PRKG1: variants seen among roughly 807,000 people sequenced by gnomAD.
PRKG1 encodes the protein cGMP-dependent protein kinase 1.
In PRKG1, 35 loss-of-function variants were observed where a neutral mutation model predicts 88.1. The observed-to-expected ratio is 0.40, with a 90% CI of 0.30 to 0.53. PRKG1 has a LOEUF of 0.53. Among genes scored for constraint, PRKG1 ranks in the 20% least tolerant of loss-of-function variants. PRKG1 has a pLI of 0.59. For synonymous variants in PRKG1, 303 were observed against 292.5 expected (o/e 1.04, Z -0.37); for missense variants, 540 against 839.8 (o/e 0.64, Z 4.41).
At chr10:51,491,901 T>G (rs1840716607) in intron 3 of PRKG1, among the ~76,000 whole-genome samples, 1 of 152,100 alleles carries the variant, frequency 6.6e-6, no homozygotes, top group South Asian at 2.1e-4. Flanking sequence ...TCATCCTATT[T>G]TGCTTGTTTT....
In PRKG1 at chr10:51,492,644, A is replaced by C. The variant is rs1186479408; in HGVS notation, c.592+24808A>C. On this transcript the variant is annotated intron_variant, in intron 3 of 17. Coordinates refer to ENST00000373980, the MANE Select transcript of PRKG1 (RefSeq NM_006258.4). Reference sequence around the variant, plus strand: ...TTGTTTTGACTGGCTAAATTTAAACACAGAAATATACATACAGTAAAGCAA... The same window carrying C: ...TTGTTTTGACTGGCTAAATTTAAACCCAGAAATATACATACAGTAAAGCAA... 2.6e-5 allele frequency among the ~76,000 whole-genome samples: 4 copies of C among 152,276 alleles called. No individual in the cohort carries two copies. The East Asian group carries it at 7.7e-4, about 29-fold the overall frequency.
Position 51,672,832 on chromosome 10 carries a change from A to G in PRKG1, c.593-131753A>G, listed in dbSNP as rs560569917. Among the ~76,000 whole-genome samples the G allele has an allele frequency of 5.3e-5, 8 of 152,338 alleles. No individual in the cohort carries two copies. The South Asian group carries it at 1.7e-3, about 32-fold the overall frequency. ...TAAGAGGGCTTTCACATTTAATTTT[A>G]TACCCTGAGTCAAGACGAAGCCAGC... is the stretch of plus-strand genomic sequence containing the variant. On this transcript the variant is annotated intron_variant, in intron 3 of 17. Coordinates refer to ENST00000373980, the MANE Select transcript of PRKG1 (RefSeq NM_006258.4).
chr10:51,694,697 TTGG>T (rs924763359), intron 3 of PRKG1, among the ~76,000 whole-genome samples: 59 of 152,268 alleles, frequency 3.9e-4, no homozygotes, highest in African/African-American at 1.4e-3. Context: ...GATGAATGAA[TTGG>T]TGATTTTATT....
intron 2 of PRKG1, among the ~76,000 whole-genome samples, chr10:51,252,067 G>T (rs1839440342): frequency 1.3e-5 from 2 of 151,780 alleles, no homozygotes; most frequent in Non-Finnish European, 3.0e-5. Flanking sequence ...GTGTGTGTGT[G>T]TGCACATGCA....
intron 7 of PRKG1, among the ~76,000 whole-genome samples, chr10:52,110,674 C>T (rs1419679428): frequency 1.3e-5 from 2 of 152,020 alleles, no homozygotes; most frequent in Non-Finnish European, 2.9e-5. Flanking sequence ...GCAAACAGTG[C>T]AAAGAGAGAA....
intron 7 of PRKG1, among the ~76,000 whole-genome samples, chr10:52,114,706 A>G (rs1261619997): frequency 1.3e-5 from 2 of 152,104 alleles, no homozygotes; most frequent in Non-Finnish European, 2.9e-5. Context: ...TTGCTATCAT[A>G]TATGCTTCCT....
chr10:52,062,744 A>G (rs1473439562), intron 7 of PRKG1, 113 bp downstream of exon 7: 1 of 770,504 alleles, frequency 1.3e-6, no homozygotes, highest in Non-Finnish European at 2.3e-6. Flanking sequence ...TCTCAATATC[A>G]AATATGGACC....
chr10:51,701,773 A>G (rs886171945), intron 3 of PRKG1, among the ~76,000 whole-genome samples: 1 of 151,088 alleles, frequency 6.6e-6, no homozygotes, highest in Non-Finnish European at 1.5e-5. Context: ...GTATTATAAT[A>G]TGTTGCAAAA....
intron 4 of PRKG1, among the ~76,000 whole-genome samples, chr10:51,829,578 A>G (rs991712547): frequency 2.6e-5 from 4 of 152,218 alleles, no homozygotes; most frequent in Non-Finnish European, 4.4e-5. Context: ...TGCTGTGGTC[A>G]TGTAAGAGAA....
intron 5 of PRKG1, among the ~76,000 whole-genome samples, chr10:51,927,604 A>G (rs1386803981): frequency 1.3e-5 from 2 of 152,128 alleles, no homozygotes; most frequent in African/African-American, 4.8e-5. Context: ...ATGCATTCAC[A>G]TGCTATAGAG....
chr10:51,516,584 G>A (rs949261544), intron 3 of PRKG1, among the ~76,000 whole-genome samples: 11 of 152,206 alleles, frequency 7.2e-5, no homozygotes, highest in Admixed American at 2.6e-4. Flanking sequence ...GCCTCCTGTC[G>A]CTATCACAGT....
chr10:51,946,789 G>A (rs546699036), intron 5 of PRKG1, among the ~76,000 whole-genome samples: 6 of 152,128 alleles, frequency 3.9e-5, no homozygotes, highest in East Asian at 1.9e-4. Flanking sequence ...TTCATGAACC[G>A]CGAATGCTGC....
At chr10:51,160,756 G>A (rs888759426) in intron 2 of PRKG1, among the ~76,000 whole-genome samples, 1 of 152,140 alleles carries the variant, frequency 6.6e-6, no homozygotes, top group Non-Finnish European at 1.5e-5. Flanking sequence ...TGGGGGGACA[G>A]CTTTACATAC....
intron 9 of PRKG1, among the ~76,000 whole-genome samples, chr10:52,196,531 C>T (rs1272746450): frequency 3.9e-5 from 6 of 152,078 alleles, no homozygotes; most frequent in South Asian, 2.1e-4. Context: ...CAGCTTGCAC[C>T]GTAGTCGTCT....
intron 7 of PRKG1, among the ~76,000 whole-genome samples, chr10:52,118,923 A>C (rs1847751158): frequency 6.6e-6 from 1 of 152,128 alleles, no homozygotes. Context: ...TTTCCTTAAA[A>C]TAACTACTTA....
At chr10:51,075,827 C>T (rs1843937106) in intron 1 of PRKG1, among the ~76,000 whole-genome samples, 3 of 152,164 alleles carry the variant, frequency 2.0e-5, no homozygotes, top group Admixed American at 2.0e-4. Context: ...TTATACAACA[C>T]TCAACTCAGA....
intron 4 of PRKG1, among the ~76,000 whole-genome samples, chr10:51,888,967 A>G (rs1418351604): frequency 6.6e-6 from 1 of 152,160 alleles, no homozygotes; most frequent in African/African-American, 2.4e-5. Flanking sequence ...GGACTTAAAT[A>G]AATAAAATTT....
chr10:51,578,511 G>T (rs1224696930), intron 3 of PRKG1, among the ~76,000 whole-genome samples: 1 of 152,018 alleles, frequency 6.6e-6, no homozygotes, highest in Admixed American at 6.6e-5. Context: ...ACCTATAATG[G>T]ATCTATCCCT....
intron 7 of PRKG1, among the ~76,000 whole-genome samples, chr10:52,102,249 A>T (rs180759871): frequency 1.3e-5 from 2 of 152,208 alleles, no homozygotes; most frequent in Admixed American, 1.3e-4. Context: ...TGAGTTCAAC[A>T]TTAAAGGCTT....
Sources: allele counts gnomAD v4.1 joint callset (sites outside exome capture counted in the v4.1 genomes callset), GRCh38; gene constraint gnomAD v4.1.1; transcripts MANE v1.5; gene names NCBI Gene and HGNC (gene_info 2026-07-23, HGNC 2026-07-21).